Variants in ENTREP2 observed in about 807,000 individuals in gnomAD.
The protein encoded by ENTREP2 is endosomal transmembrane epsin interactor 2, also known as protein ENTREP2.
the ENTREP2 span, among the ~76,000 whole-genome samples, chr15:29,503,689 C>G: frequency 1.3e-5 from 2 of 151,988 alleles, no homozygotes; most frequent in East Asian, 3.8e-4. Context: ...TTTTTAGGAT[C>G]TAGAGAAAAT....
At chr15:29,502,403 T>G in the ENTREP2 span, among the ~76,000 whole-genome samples, 1 of 151,910 alleles carries the variant, frequency 6.6e-6, no homozygotes, top group East Asian at 1.9e-4. Flanking sequence ...AGGAATGAAG[T>G]TGGACCCCAC....
the ENTREP2 span, among the ~76,000 whole-genome samples, chr15:29,291,811 T>C: frequency 1.3e-5 from 2 of 152,214 alleles, no homozygotes; most frequent in Non-Finnish European, 2.9e-5. Context: ...TGAATATTCA[T>C]TGTAACCACT....
chr15:29,513,918 C>G, the ENTREP2 span, among the ~76,000 whole-genome samples: 1 of 152,232 alleles, frequency 6.6e-6, no homozygotes, highest in African/African-American at 2.4e-5. Flanking sequence ...AAAGAAACAA[C>G]AATCTCACCC....
the ENTREP2 span, among the ~76,000 whole-genome samples, chr15:29,235,781 T>C: frequency 2.0e-5 from 3 of 152,102 alleles, no homozygotes; most frequent in Non-Finnish European, 2.9e-5. Flanking sequence ...ATGGCCAAGA[T>C]GGTGAAACCC....
At chr15:29,558,134 T>C in the ENTREP2 span, among the ~76,000 whole-genome samples, 2 of 151,964 alleles carry the variant, frequency 1.3e-5, no homozygotes, top group African/African-American at 4.8e-5. Flanking sequence ...CATAAAATAC[T>C]CCCCTCCCCA....
the ENTREP2 span, among the ~76,000 whole-genome samples, chr15:29,462,532 C>T: frequency 6.6e-6 from 1 of 152,040 alleles, no homozygotes; most frequent in African/African-American, 2.4e-5. Context: ...ATCACTTGAA[C>T]CCAGGAGGTG....
At chr15:29,382,337 C>A in the ENTREP2 span, among the ~76,000 whole-genome samples, 1 of 152,008 alleles carries the variant, frequency 6.6e-6, no homozygotes, top group African/African-American at 2.4e-5. Flanking sequence ...GCCACCTGGC[C>A]ACCTGCCATG....
chr15:29,462,373 C>T, the ENTREP2 span, among the ~76,000 whole-genome samples: 1 of 152,128 alleles, frequency 6.6e-6, no homozygotes, highest in Non-Finnish European at 1.5e-5. Context: ...CTTTGGAAGG[C>T]TGAGGCGGGC....
chr15:29,132,054 C>A, the ENTREP2 span, among the ~76,000 whole-genome samples: 1 of 144,892 alleles, frequency 6.9e-6, no homozygotes, highest in African/African-American at 2.5e-5. Context: ...CAGCACACCC[C>A]CTGCCCCGCC....
chr15:29,174,710 C>A, the ENTREP2 span, among the ~76,000 whole-genome samples: 47,281 of 134,124 alleles, frequency 0.35, 9,823 homozygotes, highest in East Asian at 0.63. Flanking sequence ...AACAAAACAA[C>A]AAAAAAAAAA....
At chr15:29,597,586 T>A in the ENTREP2 span, among the ~76,000 whole-genome samples, 1 of 151,748 alleles carries the variant, frequency 6.6e-6, no homozygotes, top group Non-Finnish European at 1.5e-5. Flanking sequence ...AAAAAAAGAT[T>A]CATCCATAAC....
At chr15:29,596,393 T>C in the ENTREP2 span, among the ~76,000 whole-genome samples, 1 of 148,016 alleles carries the variant, frequency 6.8e-6, no homozygotes, top group East Asian at 2.0e-4. Flanking sequence ...GCTTCCATTA[T>C]TTGCTTACTT....
At chr15:29,604,169 A>C in the ENTREP2 span, among the ~76,000 whole-genome samples, 1 of 152,218 alleles carries the variant, frequency 6.6e-6, no homozygotes, top group East Asian at 1.9e-4. Context: ...AAACGAAGAA[A>C]TACCGATAAT....
At chr15:29,234,359 C>T in the ENTREP2 span, 1 of 1,582,284 alleles carries the variant, frequency 6.3e-7, no homozygotes, top group East Asian at 2.2e-5. Context: ...TTCACTGTAA[C>T]ACAGAAATGT....
the ENTREP2 span, among the ~76,000 whole-genome samples, chr15:29,130,428 G>C: frequency 6.6e-6 from 1 of 152,010 alleles, no homozygotes; most frequent in Non-Finnish European, 1.5e-5. Flanking sequence ...ATGTCCTAAC[G>C]GTTTGTTTCA....
the ENTREP2 span, among the ~76,000 whole-genome samples, chr15:29,229,284 G>A: frequency 6.6e-6 from 1 of 152,030 alleles, no homozygotes; most frequent in Non-Finnish European, 1.5e-5. Context: ...TGAGAATCTT[G>A]GTAAAGGTTA....
At chr15:29,260,718 T>C in the ENTREP2 span, among the ~76,000 whole-genome samples, 2 of 151,496 alleles carry the variant, frequency 1.3e-5, no homozygotes, top group East Asian at 1.9e-4. Context: ...ATTATCCACA[T>C]ATTGAATCTT....
chr15:29,552,876 C>T, the ENTREP2 span, among the ~76,000 whole-genome samples: 1 of 152,288 alleles, frequency 6.6e-6, no homozygotes, highest in Middle Eastern at 3.4e-3. Flanking sequence ...ACAGTAACTC[C>T]TGAAAAGAAC....
the ENTREP2 span, among the ~76,000 whole-genome samples, chr15:29,595,954 G>A: frequency 2.0e-5 from 3 of 151,906 alleles, no homozygotes; most frequent in South Asian, 2.1e-4. Context: ...AGATGCTCCC[G>A]GCTTATCCTG....
Sources: gnomAD v4.1 joint callset for allele counts (sites outside exome capture counted in the v4.1 genomes callset) on GRCh38, gnomAD v4.1.1 for gene constraint, MANE v1.5 for transcripts, NCBI Gene and HGNC (gene_info 2026-07-23, HGNC 2026-07-21) for gene names.